Variants in PHAF1 observed in about 807,000 individuals in gnomAD.
PHAF1 encodes phagophore assembly factor 1.
A neutral mutation model predicts 63.1 loss-of-function variants in PHAF1; 23 were observed. That is an observed-to-expected ratio of 0.36 (90% CI 0.26 to 0.52). PHAF1 has a LOEUF of 0.52. PHAF1 is among the 20% of genes least tolerant of loss of function. PHAF1 has a pLI of 0.93. For missense variants in PHAF1, 427 were observed against 517.2 expected (o/e 0.83, Z 1.69); for synonymous variants, 167 against 185.0 (o/e 0.90, Z 0.79).
chr16:67,136,465 A>C (rs768700613), intron 8 of PHAF1, among the ~76,000 whole-genome samples: 19 of 151,390 alleles, frequency 1.3e-4, no homozygotes, highest in Non-Finnish European at 2.4e-4. Flanking sequence ...GTTCCCATAA[A>C]GAGAGCTGAG....
chr16:67,120,275 T>A (rs912034762), intron 2 of PHAF1, 81 bp downstream of exon 2: 89 of 1,326,894 alleles, frequency 6.7e-5, no homozygotes, highest in Non-Finnish European at 9.1e-5. Flanking sequence ...TGGGATAGGC[T>A]GACTGGCAAG....
chr16:67,112,704 CTG>C (rs1962567675), intron 1 of PHAF1, among the ~76,000 whole-genome samples: 1 of 152,152 alleles, frequency 6.6e-6, no homozygotes, highest in African/African-American at 2.4e-5. Context: ...TTCTTACAAA[CTG>C]TCTAAATAGC....
rs766477899 is a variant in PHAF1, at chr16:67,134,279, G to A, written c.548+14G>A. The A allele has an allele frequency of 1.5e-5, 24 of 1,610,634 alleles. No individual in the cohort carries two copies. The highest frequency in any genetic ancestry group is 2.0e-5 in the Non-Finnish European group (23 of 1,176,970). ...GCAGGATACCAAGTAAGTATAAGGA[G>A]CATGAGTTTCTTGCTAAGGCCTGGG... On this transcript the variant is annotated intron_variant, in intron 7 of 15. Coordinates refer to ENST00000219139, the MANE Select transcript of PHAF1 (RefSeq NM_025187.5).
intron 3 of PHAF1, among the ~76,000 whole-genome samples, chr16:67,127,470 G>T (rs1014709382): frequency 2.0e-5 from 3 of 152,202 alleles, no homozygotes; most frequent in Non-Finnish European, 4.4e-5. Context: ...TCCACACTGG[G>T]AAAGGGCAGA....
At chr16:67,140,260 C>G (rs547694112) in intron 9 of PHAF1, 143 bp downstream of exon 9, 11 of 1,144,584 alleles carry the variant, frequency 9.6e-6, no homozygotes, top group Non-Finnish European at 1.3e-5. Flanking sequence ...TTTCTAACCC[C>G]TGTAGTCCAA....
chr16:67,117,499 C>T (rs965194907), intron 1 of PHAF1, among the ~76,000 whole-genome samples: 8 of 150,988 alleles, frequency 5.3e-5, no homozygotes, highest in South Asian at 2.1e-4. Context: ...ATATTCAGGC[C>T]GGGCACAGTG....
intron 8 of PHAF1, chr16:67,136,169 T>C (rs1297194029): frequency 6.6e-6 from 1 of 152,158 alleles, no homozygotes; most frequent in East Asian, 1.9e-4. Flanking sequence ...CTGGGCGTGG[T>C]AAAGCACGCC....
intron 6 of PHAF1, among the ~76,000 whole-genome samples, chr16:67,133,518 A>AC (rs1963487522): frequency 6.7e-6 from 1 of 148,580 alleles, no homozygotes; most frequent in African/African-American, 2.5e-5. Context: ...AAAAAAAAAA[A>AC]AAAACAGGCC....
rs115464771 is a variant in PHAF1, at chr16:67,128,842, A to G, written c.232-2444A>G. Among the ~76,000 whole-genome samples, 1,315 of 152,288 alleles carry G rather than the reference A, an allele frequency of 8.6e-3. 13 individuals carry two copies. The highest frequency in any genetic ancestry group is 0.03 in the African/African-American group (1,257 of 41,556). On this transcript the variant is annotated intron_variant, in intron 3 of 15. Transcript: ENST00000219139. ...CGTGCCCTGTGATTAGCTCTGGTCC[A>G]CTGTTTTCCCATTGATCAGGCAGGG...
intron 1 of PHAF1, among the ~76,000 whole-genome samples, chr16:67,115,924 G>A (rs1054648200): frequency 6.6e-6 from 1 of 152,182 alleles, no homozygotes; most frequent in African/African-American, 2.4e-5. Context: ...AGGCCGAGAC[G>A]GGAGGATAGC....
chr16:67,141,315 A>C (rs1013150102), intron 10 of PHAF1, among the ~76,000 whole-genome samples: 6 of 152,192 alleles, frequency 3.9e-5, no homozygotes, highest in African/African-American at 1.4e-4. Context: ...ATGTCCGGTC[A>C]TGAACTCCTG....
intron 1 of PHAF1, among the ~76,000 whole-genome samples, chr16:67,117,199 A>ATTGTTTTT (rs1962770627): frequency 8.9e-6 from 1 of 111,980 alleles, no homozygotes; most frequent in Admixed American, 9.1e-5. Flanking sequence ...TGCCCAGCTA[A>ATTGTTTTT]TTTTTTTTTT....
chr16:67,129,827 T>C (rs1009209447), intron 3 of PHAF1, among the ~76,000 whole-genome samples: 9 of 152,202 alleles, frequency 5.9e-5, no homozygotes, highest in African/African-American at 2.2e-4. Context: ...TGCCCTGCCC[T>C]GAGTTCTTAG....
intron 4 of PHAF1, chr16:67,132,219 C>A (rs1963430708): frequency 2.2e-6 from 1 of 454,672 alleles, no homozygotes. Context: ...TCACTGGTGT[C>A]ATAAAGCCCC....
intron 4 of PHAF1, 141 bp downstream of exon 4, chr16:67,131,470 AG>A: frequency 1.6e-6 from 1 of 616,944 alleles, no homozygotes; most frequent in East Asian, 3.0e-5. Flanking sequence ...GCAACCTTCA[AG>A]CCTGCTCAGT....
chr16:67,146,455 G>A, intron 15 of PHAF1, 105 bp downstream of exon 15: 1 of 1,189,878 alleles, frequency 8.4e-7, no homozygotes, highest in Non-Finnish European at 1.2e-6. Flanking sequence ...CTGCCATAGT[G>A]GGCAGATTCA....
intron 1 of PHAF1, among the ~76,000 whole-genome samples, chr16:67,119,570 G>A (rs1220675608): frequency 6.6e-6 from 1 of 150,462 alleles, no homozygotes; most frequent in Admixed American, 6.7e-5. Flanking sequence ...TGCCCAGGCC[G>A]AGTGCAGTGG....
intron 3 of PHAF1, among the ~76,000 whole-genome samples, chr16:67,129,659 C>G (rs372702006): frequency 2.0e-5 from 3 of 152,328 alleles, no homozygotes; most frequent in African/African-American, 7.2e-5. Context: ...ACAATGAGAG[C>G]AAAACCTCCC....
chr16:67,129,107 G>A (rs940741246), intron 3 of PHAF1, among the ~76,000 whole-genome samples: 6 of 152,218 alleles, frequency 3.9e-5, no homozygotes, highest in Non-Finnish European at 7.3e-5. Context: ...TCAGTGAAAT[G>A]GCATGCCAGT....
Sources: allele counts gnomAD v4.1 joint callset (sites outside exome capture counted in the v4.1 genomes callset), GRCh38; gene constraint gnomAD v4.1.1; transcripts MANE v1.5; gene names NCBI Gene and HGNC (gene_info 2026-07-23, HGNC 2026-07-21).